Variants in RBFOX2 observed in about 807,000 individuals in gnomAD.
RBFOX2 encodes RNA binding fox-1 homolog 2, also known as RNA binding protein fox-1 homolog 2.
Under a neutral mutation model 49.1 loss-of-function variants are expected in RBFOX2, and 10 were observed. The observed-to-expected ratio is 0.20, with a 90% CI of 0.13 to 0.35. The LOEUF (loss-of-function observed/expected upper bound fraction) is 0.35. RBFOX2 is among the 10% of genes least tolerant of loss of function. RBFOX2 has a pLI of 1.00. For missense variants in RBFOX2, 323 were observed against 486.9 expected (o/e 0.66, Z 3.17); for synonymous variants, 183 against 187.4 (o/e 0.98, Z 0.19).
intron 1 of RBFOX2, among the ~76,000 whole-genome samples, chr22:35,959,688 T>A (rs1287363919): frequency 6.6e-6 from 1 of 152,210 alleles, no homozygotes; most frequent in African/African-American, 2.4e-5. Flanking sequence ...TAGTTCCCAA[T>A]CTTGACCGAT....
chr22:35,955,698 T>C (rs28829922), intron 1 of RBFOX2, among the ~76,000 whole-genome samples: 5 of 152,212 alleles, frequency 3.3e-5, no homozygotes, highest in African/African-American at 7.2e-5. Flanking sequence ...ACTGATCTGA[T>C]AGGATGTGGT....
chr22:35,988,431 C>T (rs941893549), intron 1 of RBFOX2, among the ~76,000 whole-genome samples: 8 of 152,118 alleles, frequency 5.3e-5, no homozygotes, highest in Non-Finnish European at 1.2e-4. Flanking sequence ...TCTTATAATA[C>T]AGTGAAATAA....
intron 1 of RBFOX2, among the ~76,000 whole-genome samples, chr22:35,936,429 A>G (rs1280333832): frequency 6.6e-6 from 1 of 152,170 alleles, no homozygotes; most frequent in Non-Finnish European, 1.5e-5. Flanking sequence ...CCCAAATCTC[A>G]AAACGCAAAG....
chr22:35,911,852 A>G (rs992025886), intron 1 of RBFOX2, among the ~76,000 whole-genome samples: 2 of 152,338 alleles, frequency 1.3e-5, no homozygotes, highest in African/African-American at 4.8e-5. Flanking sequence ...TACTCTGGAT[A>G]AAATTTTTAA....
At chr22:35,933,926 T>A (rs2052712179) in intron 1 of RBFOX2, among the ~76,000 whole-genome samples, 2 of 118,020 alleles carry the variant, frequency 1.7e-5, no homozygotes, top group African/African-American at 7.9e-5. Context: ...TAATTAAATG[T>A]TATATATATA....
chr22:36,028,459 C>T lies in RBFOX2; in HGVS notation c.-34G>A, dbSNP rs945753917. 61 of 1,165,990 alleles carry T rather than the reference C, an allele frequency of 5.2e-5. No individual in the cohort carries two copies. In the African/African-American group the frequency reaches 8.6e-4, roughly 16 times the overall value. The allele number at this position is 1,165,990 out of a possible 1,614,324, so 72.2% of individuals were successfully genotyped here. ...GCCCCCCTCGCCTCCGGGAGCCGGGCGACCCGCGACAGGCCACCTCCCCCT... is the reference window on the plus strand; with the variant it reads ...GCCCCCCTCGCCTCCGGGAGCCGGGTGACCCGCGACAGGCCACCTCCCCCT... On this transcript the variant is annotated 5_prime_UTR_variant, in exon 1 of 14. Transcript: ENST00000438146.
rs971506170 is a variant in RBFOX2 at position 35,781,387 on chromosome 22, G to A, written c.399+213C>T. 2.6e-5 allele frequency among the ~76,000 whole-genome samples: 4 copies of A among 152,148 alleles called. No homozygotes were observed. Among genetic ancestry groups the A allele is most frequent in the Non-Finnish European group, 5.9e-5 (4 of 68,034 alleles). ...CAGTCACAGCAAGCTGGGTCATATCGCCACCTTATGTGTGCAGCCACCTGC... is the reference window on the plus strand; with the variant it reads ...CAGTCACAGCAAGCTGGGTCATATCACCACCTTATGTGTGCAGCCACCTGC... On this transcript the variant is annotated intron_variant, in intron 3 of 11. Coordinates refer to ENST00000405409, the Ensembl canonical transcript of RBFOX2.
chr22:35,809,934 G>A, exon 2 of RBFOX2: 2 of 1,614,102 alleles, frequency 1.2e-6, no homozygotes, highest in Non-Finnish European at 1.7e-6. Context: ...ATTCTGCGGA[G>A]GTGGTGGAAA....
At chr22:35,891,305 T>C (rs2047214131) in intron 1 of RBFOX2, among the ~76,000 whole-genome samples, 1 of 152,130 alleles carries the variant, frequency 6.6e-6, no homozygotes, top group Non-Finnish European at 1.5e-5. Context: ...AGCTAATTGT[T>C]TGTATTTTTA....
chr22:35,833,840 T>C (rs1224846325), intron 1 of RBFOX2, among the ~76,000 whole-genome samples: 1 of 152,166 alleles, frequency 6.6e-6, no homozygotes, highest in African/African-American at 2.4e-5. Flanking sequence ...CTCTAAAATA[T>C]GTAAAGCACT....
chr22:35,959,897 A>G (rs927115273), intron 1 of RBFOX2, among the ~76,000 whole-genome samples: 22 of 152,188 alleles, frequency 1.4e-4, no homozygotes, highest in African/African-American at 5.3e-4. Context: ...TTTACATATA[A>G]CCTATGTATA....
At chr22:35,962,688 T>G (rs1006207565), upstream of RBFOX2, among the ~76,000 whole-genome samples, 3 of 152,172 alleles carry the variant, frequency 2.0e-5, no homozygotes, top group African/African-American at 7.2e-5. Context: ...CCAGCCAATT[T>G]GTGACTAGTA....
At chr22:35,915,633 G>A in intron 1 of RBFOX2, among the ~76,000 whole-genome samples, 1 of 152,208 alleles carries the variant, frequency 6.6e-6, no homozygotes, top group Non-Finnish European at 1.5e-5. Flanking sequence ...AAACCAGGGT[G>A]AGGGATGAAG....
intron 2 of RBFOX2, among the ~76,000 whole-genome samples, chr22:35,800,283 G>C (rs1423759577): frequency 6.6e-6 from 1 of 152,004 alleles, no homozygotes; most frequent in East Asian, 1.9e-4. Context: ...TCGTCTGCCT[G>C]CTCCTCTATT....
intron 1 of RBFOX2, among the ~76,000 whole-genome samples, chr22:35,937,428 ACTT>A (rs1024237075): frequency 7.9e-5 from 12 of 152,108 alleles, no homozygotes; most frequent in African/African-American, 2.2e-4. Flanking sequence ...AGCTAACAAC[ACTT>A]CTTCTCCCGA....
In RBFOX2 at chr22:36,023,067, G is replaced by GA. The variant is rs891929163; in HGVS notation, c.186+5172dup. ...ATATTGTTCATGAAATTACTTGCAA[G>GA]AAAAAAAAAACACAATATTTTTATA... On this transcript the variant is annotated intron_variant, in intron 1 of 13. Coordinates refer to the RBFOX2 transcript ENST00000438146. Among the ~76,000 whole-genome samples, 33 of 147,694 alleles carry GA rather than the reference G, an allele frequency of 2.2e-4. 1 individual carries two copies. Among genetic ancestry groups the GA allele is most frequent in the Admixed American group, 8.1e-4 (12 of 14,856 alleles).
In RBFOX2 at chr22:35,878,038, C is replaced by CA. The variant is rs1417312964; in HGVS notation, c.-34+60808_-34+60809insT. On this transcript the variant is annotated intron_variant, in intron 1 of 13. Coordinates refer to the RBFOX2 transcript ENST00000359369. The stretch of plus-strand genomic sequence containing the variant: ...CATATACATACTACTACTACTACTA[C>CA]TACACACACACACACACACACACAC... Among the ~76,000 whole-genome samples the CA allele has an allele frequency of 2.7e-4, 21 of 76,428 alleles. No individual in the cohort carries two copies. In the South Asian group the frequency reaches 3.1e-3, roughly 11 times the overall value. 50.1% of individuals were successfully genotyped at this position (76,428 alleles called of 152,430 possible).
chr22:35,949,873 T>G (rs2054719230), intron 1 of RBFOX2, among the ~76,000 whole-genome samples: 5 of 152,192 alleles, frequency 3.3e-5, no homozygotes, highest in Non-Finnish European at 7.3e-5. Context: ...GCCTTTTCAC[T>G]CTGTTAATAG....
chr22:35,990,427 A>G (rs1603462744), intron 1 of RBFOX2, among the ~76,000 whole-genome samples: 1 of 152,192 alleles, frequency 6.6e-6, no homozygotes, highest in Admixed American at 6.5e-5. Flanking sequence ...GGGAGAGAAT[A>G]CAGAGAGGGC....
Sources: gnomAD v4.1 joint callset for allele counts (sites outside exome capture counted in the v4.1 genomes callset) on GRCh38, gnomAD v4.1.1 for gene constraint, MANE v1.5 for transcripts, NCBI Gene and HGNC (gene_info 2026-07-23, HGNC 2026-07-21) for gene names.